Variants in COBL observed in about 807,000 individuals in gnomAD.
The protein encoded by COBL is protein cordon-bleu.
A neutral mutation model predicts 98.8 loss-of-function variants in COBL; 51 were observed. The ratio of observed to expected loss-of-function variants is 0.52; its 90% CI spans 0.41 to 0.65. The LOEUF (loss-of-function observed/expected upper bound fraction) is 0.65, where lower values mean the gene tolerates loss of function less well. Ranked by LOEUF, COBL falls within the 30% of genes least tolerant of loss-of-function variation. The pLI, the probability that COBL is intolerant of heterozygous loss-of-function variation, is 0.00. For synonymous variants in COBL, 634 were observed against 651.7 expected (o/e 0.97, Z 0.41); for missense variants, 1,617 against 1,617.5 (o/e 1.00, Z 0.01).
intron 6 of COBL, among the ~76,000 whole-genome samples, chr7:51,088,912 AT>A (rs1320578218): frequency 6.6e-6 from 1 of 152,152 alleles, no homozygotes; most frequent in Non-Finnish European, 1.5e-5. Flanking sequence ...GTTTTCGCTT[AT>A]CCCTGTGTCG....
chr7:51,127,405 C>G (rs1404755151), intron 6 of COBL, among the ~76,000 whole-genome samples: 1 of 152,148 alleles, frequency 6.6e-6, no homozygotes, highest in Non-Finnish European at 1.5e-5. Flanking sequence ...AATTCTGGAA[C>G]CCAGAAGAAC....
chr7:51,292,100 T>C (rs1309972267), intron 1 of COBL, among the ~76,000 whole-genome samples: 1 of 150,760 alleles, frequency 6.6e-6, no homozygotes, highest in Non-Finnish European at 1.5e-5. Flanking sequence ...TGAGCCGAGA[T>C]TGTGCCACTG....
rs1488565271 is a variant in COBL at position 51,033,195 on chromosome 7, T to C, written c.1407-2286A>G. The stretch of plus-strand genomic sequence containing the variant: ...GATGAATCTGACAGACCCACACTTG[T>C]TGCTACAGGTTTTAATTGGAAAGCA... On this transcript the variant is annotated intron_variant, in intron 8 of 12. Transcript: ENST00000265136. 3.3e-5 allele frequency: 5 copies of C among 152,342 alleles called. No individual in the cohort carries two copies. The South Asian group carries it at 8.3e-4, about 25-fold the overall frequency. 9.4% of individuals were successfully genotyped at this position (152,342 alleles called of 1,614,324 possible). A position where few individuals can be genotyped will look rare whatever the true frequency, so the allele number is the denominator to read the frequency against.
chr7:51,300,994 G>A (rs952427324), intron 1 of COBL, among the ~76,000 whole-genome samples: 1 of 152,162 alleles, frequency 6.6e-6, no homozygotes, highest in Non-Finnish European at 1.5e-5. Flanking sequence ...TCCATCAGCT[G>A]CCCTTGGTCA....
chr7:51,179,948 A>G (rs1419220466), intron 5 of COBL, among the ~76,000 whole-genome samples: 2 of 152,196 alleles, frequency 1.3e-5, no homozygotes, highest in East Asian at 1.9e-4. Context: ...GTTTTCTAGC[A>G]TCAAGAAAAC....
intron 1 of COBL, among the ~76,000 whole-genome samples, chr7:51,266,779 G>T (rs982772704): frequency 1.3e-5 from 2 of 152,088 alleles, no homozygotes; most frequent in African/African-American, 4.8e-5. Context: ...CATGTTTTTT[G>T]AGTGCTATGG....
chr7:51,261,759 G>A (rs556754197), intron 1 of COBL, among the ~76,000 whole-genome samples: 4 of 152,278 alleles, frequency 2.6e-5, no homozygotes, highest in African/African-American at 9.6e-5. Flanking sequence ...CTGAGGTCAG[G>A]AGTTTGAAAC....
rs1800602157 is a variant in COBL at position 51,288,676 on chromosome 7, CCCAGGAGGTGGAGGTTGCA to C, written c.41+27898_41+27916del. On this transcript the variant is annotated intron_variant, in intron 1 of 12. Coordinates refer to ENST00000265136, the MANE Select transcript of COBL (RefSeq NM_015198.5). ...GGCTGAGGCAGGAGAATCGCTTAAA[CCCAGGAGGTGGAGGTTGCA>C]GTGAGCTGAGATCACGTTATTGTAC... Among the ~76,000 whole-genome samples, 7 of 152,156 alleles carry C rather than the reference CCCAGGAGGTGGAGGTTGCA, an allele frequency of 4.6e-5. No homozygotes were observed. The South Asian group carries it at 1.2e-3, about 27-fold the overall frequency.
intron 10 of COBL, among the ~76,000 whole-genome samples, chr7:51,027,092 A>T (rs1787651484): frequency 2.0e-5 from 3 of 152,210 alleles, no homozygotes; most frequent in Admixed American, 2.0e-4. Context: ...GCAGACCCAG[A>T]AGAGAATCCA....
At chr7:51,219,454 C>T (rs1793407974) in intron 2 of COBL, among the ~76,000 whole-genome samples, 1 of 151,838 alleles carries the variant, frequency 6.6e-6, no homozygotes, top group African/African-American at 2.4e-5. Flanking sequence ...GCTGTACCTG[C>T]CCTCGTTTCT....
rs534213903 is a variant in COBL at position 51,016,634 on chromosome 7, G to C, written c.*917C>G. The C allele has an allele frequency of 8.0e-5, 22 of 275,840 alleles. No homozygotes were observed. Among genetic ancestry groups the C allele is most frequent in the Admixed American group, 1.6e-4 (3 of 18,972 alleles). The allele number at this position is 275,840 out of a possible 1,614,324, so 17.1% of individuals were successfully genotyped here. A position where few individuals can be genotyped will look rare whatever the true frequency, so the allele number is the denominator to read the frequency against. On this transcript the variant is annotated 3_prime_UTR_variant, in exon 13 of 13. Transcript: ENST00000265136. ...GAACCAAAATTGTGATGCTCTCAGC[G>C]CAACTTTGATCTGAACTCTTGACAG... is the stretch of plus-strand genomic sequence containing the variant.
chr7:51,258,724 A>T (rs61219526), intron 1 of COBL, among the ~76,000 whole-genome samples: 1 of 152,314 alleles, frequency 6.6e-6, no homozygotes, highest in East Asian at 1.9e-4. Context: ...ATAAAAAGTA[A>T]TTTCAAAAAG....
chr7:51,243,680 T>C (rs1796019406), intron 1 of COBL, among the ~76,000 whole-genome samples: 1 of 152,128 alleles, frequency 6.6e-6, no homozygotes, highest in Non-Finnish European at 1.5e-5. Context: ...CCTACTGATA[T>C]AAAATCCTCA....
intron 6 of COBL, among the ~76,000 whole-genome samples, chr7:51,091,323 T>A (rs572423804): frequency 6.6e-5 from 10 of 151,876 alleles, no homozygotes; most frequent in African/African-American, 2.4e-4. Context: ...ATCATATCAA[T>A]AAAGAGACAG....
intron 4 of COBL, among the ~76,000 whole-genome samples, chr7:51,186,111 G>C (rs913573816): frequency 2.6e-5 from 4 of 152,268 alleles, no homozygotes; most frequent in African/African-American, 4.8e-5. Flanking sequence ...ATTAGGTACA[G>C]AGCTATAAAG....
chr7:51,026,984 A>C (rs1349028645), intron 10 of COBL, among the ~76,000 whole-genome samples: 1 of 152,212 alleles, frequency 6.6e-6, no homozygotes, highest in Non-Finnish European at 1.5e-5. Context: ...GGCACACATA[A>C]GAATCAAAGG....
intron 6 of COBL, among the ~76,000 whole-genome samples, chr7:51,120,919 C>T (rs1181098488): frequency 1.3e-5 from 2 of 152,134 alleles, no homozygotes; most frequent in African/African-American, 2.4e-5. Flanking sequence ...ATTCATCCAT[C>T]GATGGACACC....
intron 2 of COBL, among the ~76,000 whole-genome samples, chr7:51,216,036 C>T (rs1365911346): frequency 6.6e-6 from 1 of 152,228 alleles, no homozygotes; most frequent in Non-Finnish European, 1.5e-5. Context: ...AGGCAGATTT[C>T]CTCTCTTCTG....
rs115979384 is a variant in COBL, at chr7:51,243,496, T to C, written c.42-23552A>G. On this transcript the variant is annotated intron_variant, in intron 1 of 12. Transcript: ENST00000265136. ...AAATGAGCTAAGGTATAATCTTGTA[T>C]ATATCTATGAAAACATGATGTGGGG... Among the ~76,000 whole-genome samples the C allele has an allele frequency of 3.1e-3, 473 of 152,352 alleles. 2 individuals are homozygous for C. The highest frequency in any genetic ancestry group is 0.011 in the African/African-American group (441 of 41,580).
Sources: gnomAD v4.1 joint callset for allele counts (sites outside exome capture counted in the v4.1 genomes callset) on GRCh38, gnomAD v4.1.1 for gene constraint, MANE v1.5 for transcripts, NCBI Gene and HGNC (gene_info 2026-07-23, HGNC 2026-07-21) for gene names.